RBFOX1: variants seen among roughly 807,000 people sequenced by gnomAD.
RBFOX1 encodes the protein RNA binding fox-1 homolog 1, also known as RNA binding protein fox-1 homolog 1.
A neutral mutation model predicts 57.7 loss-of-function variants in RBFOX1; 8 were observed. That is an observed-to-expected ratio of 0.14 (90% CI 0.08 to 0.25). The LOEUF (loss-of-function observed/expected upper bound fraction) is 0.25, where lower values mean the gene tolerates loss of function less well. Among genes scored for constraint, RBFOX1 ranks in the 10% least tolerant of loss-of-function variants. The pLI is 1.00. For missense variants in RBFOX1, 611 were observed against 548.5 expected (o/e 1.11, Z -1.14); for synonymous variants, 326 against 222.4 (o/e 1.47, Z -4.15).
chr16:5,417,248 C>T (rs1019047601), intron 1 of RBFOX1, among the ~76,000 whole-genome samples: 3 of 152,082 alleles, frequency 2.0e-5, no homozygotes, highest in Admixed American at 6.5e-5. Context: ...GCAGGGTTCC[C>T]CTACTCCCTG....
At chr16:6,727,218 C>G (rs897418079) in intron 3 of RBFOX1, among the ~76,000 whole-genome samples, 1 of 152,090 alleles carries the variant, frequency 6.6e-6, no homozygotes, top group African/African-American at 2.4e-5. Flanking sequence ...GACAATCCCT[C>G]AACCTGCAGA....
intron 1 of RBFOX1, among the ~76,000 whole-genome samples, chr16:6,248,109 C>T (rs759887474): frequency 6.6e-6 from 1 of 152,176 alleles, no homozygotes; most frequent in Non-Finnish European, 1.5e-5. Flanking sequence ...TTTATTCCTT[C>T]CATAATAGGA....
At chr16:5,466,052 C>A (rs771081797) in intron 1 of RBFOX1, among the ~76,000 whole-genome samples, 18 of 152,132 alleles carry the variant, frequency 1.2e-4, no homozygotes, top group Non-Finnish European at 2.6e-4. Context: ...CATGGGGACC[C>A]TGAAAGGTCT....
intron 4 of RBFOX1, among the ~76,000 whole-genome samples, chr16:5,876,897 A>G (rs1416572460): frequency 1.3e-5 from 2 of 152,170 alleles, no homozygotes; most frequent in Non-Finnish European, 2.9e-5. Context: ...AGACTCAGCC[A>G]CAGTGGTGGG....
intron 3 of RBFOX1, among the ~76,000 whole-genome samples, chr16:7,017,396 C>T (rs571220059): frequency 2.0e-4 from 30 of 152,110 alleles, no homozygotes; most frequent in East Asian, 7.7e-4. Flanking sequence ...TCTCTAATAA[C>T]GATAAAATGC....
intron 3 of RBFOX1, among the ~76,000 whole-genome samples, chr16:6,719,994 T>G (rs1177954866): frequency 2.6e-5 from 4 of 151,882 alleles, no homozygotes; most frequent in Non-Finnish European, 5.9e-5. Context: ...CCTGGGAGGC[T>G]GAGGCAGGAG....
chr16:6,522,267 TC>T (rs1342816638), intron 2 of RBFOX1, among the ~76,000 whole-genome samples: 2 of 151,208 alleles, frequency 1.3e-5, no homozygotes, highest in African/African-American at 2.4e-5. Context: ...AGTGAAGAGA[TC>T]ATAAAGCACA....
At chr16:5,948,576 T>C (rs2059451857) in intron 4 of RBFOX1, among the ~76,000 whole-genome samples, 2 of 152,012 alleles carry the variant, frequency 1.3e-5, no homozygotes, top group African/African-American at 4.8e-5. Context: ...AAGAGGGAAG[T>C]TTGGAGACCT....
At chr16:7,385,315 C>A (rs2097857295) in intron 4 of RBFOX1, among the ~76,000 whole-genome samples, 1 of 152,032 alleles carries the variant, frequency 6.6e-6, no homozygotes, top group Admixed American at 6.6e-5. Flanking sequence ...GGCAAGGGGT[C>A]ATAGTGGTTT....
At chr16:5,682,011 T>C (rs1395989401) in intron 3 of RBFOX1, among the ~76,000 whole-genome samples, 1 of 152,128 alleles carries the variant, frequency 6.6e-6, no homozygotes, top group Non-Finnish European at 1.5e-5. Flanking sequence ...AATATATATA[T>C]GAGCCTGGGG....
At chr16:5,647,991 C>G (rs548550955) in intron 3 of RBFOX1, among the ~76,000 whole-genome samples, 203 of 152,320 alleles carry the variant, frequency 1.3e-3, no homozygotes, top group African/African-American at 4.4e-3. Flanking sequence ...TCCTGAGTAG[C>G]TTGGAGTATA....
intron 1 of RBFOX1, among the ~76,000 whole-genome samples, chr16:5,325,694 T>C (rs752006194): frequency 2.6e-5 from 4 of 152,198 alleles, no homozygotes; most frequent in Non-Finnish European, 4.4e-5. Flanking sequence ...TATGCAACCT[T>C]TTCAGACTAG....
At chr16:5,614,468 A>C (rs552231120) in intron 3 of RBFOX1, among the ~76,000 whole-genome samples, 27 of 152,290 alleles carry the variant, frequency 1.8e-4, no homozygotes, top group Admixed American at 1.7e-3. Context: ...TTACTCAGAC[A>C]TAAATGATTT....
chr16:6,596,421 G>C (rs536274252), intron 2 of RBFOX1, among the ~76,000 whole-genome samples: 1 of 152,228 alleles, frequency 6.6e-6, no homozygotes, highest in African/African-American at 2.4e-5. Flanking sequence ...CCTAGGGTGC[G>C]TCACTGCAGT....
At chr16:5,907,619 C>T (rs1305793810) in intron 4 of RBFOX1, among the ~76,000 whole-genome samples, 1 of 152,034 alleles carries the variant, frequency 6.6e-6, no homozygotes, top group South Asian at 2.1e-4. Flanking sequence ...CGTAACAACC[C>T]CTGAGTAGGA....
intron 1 of RBFOX1, among the ~76,000 whole-genome samples, chr16:5,305,129 C>A (rs570799954): frequency 1.3e-5 from 2 of 152,106 alleles, no homozygotes; most frequent in Admixed American, 6.6e-5. Context: ...GAAGTCTGAA[C>A]GGGTAGCCTT....
At chr16:7,076,811 AC>A (rs1405636491) in intron 4 of RBFOX1, among the ~76,000 whole-genome samples, 2 of 152,168 alleles carry the variant, frequency 1.3e-5, no homozygotes, top group African/African-American at 4.8e-5. Flanking sequence ...CCACTCATAT[AC>A]CTCCTGTGAG....
At chr16:5,726,287 C>T (rs774601856) in intron 3 of RBFOX1, among the ~76,000 whole-genome samples, 1 of 151,834 alleles carries the variant, frequency 6.6e-6, no homozygotes, top group Non-Finnish European at 1.5e-5. Context: ...GGGATGTATT[C>T]AGATAATTCA....
intron 1 of RBFOX1, among the ~76,000 whole-genome samples, chr16:5,353,189 C>T (rs2065302918): frequency 1.3e-5 from 2 of 152,178 alleles, no homozygotes; most frequent in South Asian, 2.1e-4. Context: ...GCCTGGCCAA[C>T]ATGGTGAAAT....
Sources: gnomAD v4.1 joint callset for allele counts (sites outside exome capture counted in the v4.1 genomes callset) on GRCh38, gnomAD v4.1.1 for gene constraint, MANE v1.5 for transcripts, NCBI Gene and HGNC (gene_info 2026-07-23, HGNC 2026-07-21) for gene names.